Variants in HTT observed in about 807,000 individuals in gnomAD.
HTT encodes the protein huntington disease protein.
A neutral mutation model predicts 362.3 loss-of-function variants in HTT; 104 were observed. The observed-to-expected ratio is 0.29, with a 90% CI of 0.24 to 0.34. The LOEUF is 0.34. Among genes scored for constraint, HTT ranks in the 10% least tolerant of loss-of-function variants. The pLI, the probability that HTT is intolerant of heterozygous loss-of-function variation, is 1.00. For missense variants in HTT, 3,301 were observed against 3,928.6 expected, an observed-to-expected ratio of 0.84 and a Z score of 4.27; for synonymous variants, 1,577 against 1,548.7, an observed-to-expected ratio of 1.02 and a Z score of -0.43.
intron 29 of HTT, among the ~76,000 whole-genome samples, chr4:3,168,861 A>G (rs1202279404): frequency 6.6e-6 from 1 of 152,058 alleles, no homozygotes; most frequent in East Asian, 1.9e-4. Flanking sequence ...TGGGTGACAG[A>G]CTTTATACTG....
intron 2 of HTT, among the ~76,000 whole-genome samples, chr4:3,098,401 C>T (rs1713973621): frequency 6.6e-6 from 1 of 152,186 alleles, no homozygotes; most frequent in African/African-American, 2.4e-5. Flanking sequence ...AGATTGGGAT[C>T]ATGAAAGAGC....
chr4:3,178,285 T>G lies in HTT; in HGVS notation c.4464-13T>G, dbSNP rs1169452216. ...TTTAAAAGAAAGGTCTAAATGGATG[T>G]TTTTGTTTTTAGGGAATCAGAGGCA... On this transcript the variant is annotated splice_polypyrimidine_tract_variant and intron_variant, in intron 34 of 66. Transcript: ENST00000355072. The G allele has an allele frequency of 6.3e-7, 1 of 1,583,060 alleles. No homozygotes were observed. The highest frequency in any genetic ancestry group is 8.7e-7 in the Non-Finnish European group (1 of 1,154,076).
intron 40 of HTT, among the ~76,000 whole-genome samples, chr4:3,190,855 G>A (rs564306787): frequency 2.1e-4 from 32 of 152,314 alleles, no homozygotes; most frequent in African/African-American, 7.7e-4. Flanking sequence ...TGACTAAATA[G>A]CTAGAAGCCT....
rs1713430203 is a variant in HTT, at chr4:3,090,294, C to T, written c.347+3272C>T. ...TTACTGGTTCCTAAGTATGGATGAG[C>T]ATCAAAATCATCTGGAAAATTTGTT... On this transcript the variant is annotated intron_variant, in intron 2 of 66. Coordinates refer to ENST00000355072, the MANE Select transcript of HTT (RefSeq NM_001388492.1). Among the ~76,000 whole-genome samples the T allele has an allele frequency of 3.9e-5, 6 of 152,176 alleles. No individual in the cohort carries two copies. The South Asian group carries it at 1.2e-3, about 32-fold the overall frequency.
intron 52 of HTT, among the ~76,000 whole-genome samples, chr4:3,219,437 A>G (rs1198872482): frequency 6.6e-6 from 1 of 152,188 alleles, no homozygotes; most frequent in East Asian, 1.9e-4. Flanking sequence ...TCTGGAAGGC[A>G]GCTGTAACAG....
Position 3,132,810 on chromosome 4 carries a change from T to A in HTT, c.2396-4T>A. On this transcript the variant is annotated splice_polypyrimidine_tract_variant and splice_region_variant and intron_variant, in intron 17 of 66. Coordinates refer to ENST00000355072, the MANE Select transcript of HTT (RefSeq NM_001388492.1). ...TGATGTTTGTTGCTTGTTCTTCTGGTTAGGAAATACATTTTCTTTGGCGGA... is the reference window on the plus strand; with the variant it reads ...TGATGTTTGTTGCTTGTTCTTCTGGATAGGAAATACATTTTCTTTGGCGGA... The A allele has an allele frequency of 6.2e-7, 1 of 1,613,730 alleles. No individual in the cohort carries two copies. The highest frequency in any genetic ancestry group is 8.5e-7 in the Non-Finnish European group (1 of 1,179,556).
At chr4:3,103,936 G>T in intron 4 of HTT, 53 bp downstream of exon 4, 1 of 1,069,458 alleles carries the variant, frequency 9.4e-7, no homozygotes, top group Non-Finnish European at 1.4e-6. Context: ...ATTTTTATAG[G>T]TACACGTATT....
At chr4:3,143,890 A>G (rs1001611454) in intron 23 of HTT, among the ~76,000 whole-genome samples, 1 of 152,176 alleles carries the variant, frequency 6.6e-6, no homozygotes, top group African/African-American at 2.4e-5. Context: ...GGTGTGAGCC[A>G]CCATGCCTGG....
intron 27 of HTT, among the ~76,000 whole-genome samples, chr4:3,155,220 T>A (rs1560572179): frequency 1.3e-5 from 2 of 151,800 alleles, no homozygotes; most frequent in South Asian, 2.1e-4. Context: ...TATTTATTTA[T>A]TTTATTTATT....
In HTT at chr4:3,174,755, T is replaced by C; in HGVS notation, c.4201T>C (p.Leu1401=). 1 of 1,614,110 alleles carries C rather than the reference T, an allele frequency of 6.2e-7. No individual in the cohort carries two copies. The highest frequency in any genetic ancestry group is 8.5e-7 in the Non-Finnish European group (1 of 1,179,974). The part of the protein sequence containing the change: ...FDVLQKVSTQ[L]KTNLTSVTKN... ...TGTCCTCCAGAAAGTGTCTACCCAGTTGAAGACAAACCTCACGAGTGTCAC... is the reference window on the plus strand; with the variant it reads ...TGTCCTCCAGAAAGTGTCTACCCAGCTGAAGACAAACCTCACGAGTGTCAC... The change falls in exon 32 of 67, where the codon TTG becomes CTG. Residue 1401 remains leucine, a synonymous_variant. Coordinates refer to ENST00000355072, the MANE Select transcript of HTT (RefSeq NM_001388492.1).
chr4:3,212,150 A>T lies in HTT; in HGVS notation c.6628+8A>T, dbSNP rs756992147. The T allele has an allele frequency of 1.3e-6, 2 of 1,596,196 alleles. No individual in the cohort carries two copies. On this transcript the variant is annotated splice_region_variant and intron_variant, in intron 48 of 66. Coordinates refer to ENST00000355072, the MANE Select transcript of HTT (RefSeq NM_001388492.1). ...AGTTGAATGATCTGTTTGGTAATTA[A>T]AATTAAAATTTATCTTATTTTTAAA... is the stretch of plus-strand genomic sequence containing the variant.
chr4:3,092,942 C>A (rs916762577), intron 2 of HTT, among the ~76,000 whole-genome samples: 1 of 152,130 alleles, frequency 6.6e-6, no homozygotes, highest in Non-Finnish European at 1.5e-5. Flanking sequence ...ACTGCCTGGT[C>A]ATGGCAAGAG....
At chr4:3,121,506 C>A in intron 9 of HTT, 74 bp downstream of exon 9, 1 of 973,364 alleles carries the variant, frequency 1.0e-6, no homozygotes, top group Non-Finnish European at 1.6e-6. Flanking sequence ...GATTATGGGC[C>A]TGCCCTGTGC....
At chr4:3,127,745 C>T (rs951005208) in intron 12 of HTT, 141 bp downstream of exon 12, 11 of 644,178 alleles carry the variant, frequency 1.7e-5, no homozygotes, top group Admixed American at 1.2e-4. Context: ...AGGCGGATCA[C>T]TTGAGGTCAG....
chr4:3,205,267 T>C (rs996633272), intron 42 of HTT, among the ~76,000 whole-genome samples: 3 of 152,122 alleles, frequency 2.0e-5, no homozygotes, highest in Admixed American at 6.6e-5. Flanking sequence ...TAAAAATATT[T>C]AAAACATATG....
At chr4:3,130,928 T>C (rs1181987576) in intron 14 of HTT, among the ~76,000 whole-genome samples, 1 of 152,148 alleles carries the variant, frequency 6.6e-6, no homozygotes, top group Non-Finnish European at 1.5e-5. Flanking sequence ...CCCCAGGCTG[T>C]TGCCTTTCCC....
intron 21 of HTT, among the ~76,000 whole-genome samples, chr4:3,138,189 GCC>G (rs1560564819): frequency 7.0e-5 from 10 of 142,334 alleles, no homozygotes; most frequent in African/African-American, 2.4e-4. Flanking sequence ...CCGCCTGCCT[GCC>G]TGCCTGCCTT....
intron 8 of HTT, among the ~76,000 whole-genome samples, chr4:3,118,458 C>T (rs551571154): frequency 9.9e-4 from 150 of 152,198 alleles, no homozygotes; most frequent in Non-Finnish European, 1.7e-3. Context: ...GAATCTGACC[C>T]GGCACAGAGT....
intron 50 of HTT, among the ~76,000 whole-genome samples, chr4:3,214,653 C>T (rs1720312630): frequency 1.3e-5 from 2 of 152,054 alleles, no homozygotes; most frequent in Non-Finnish European, 2.9e-5. Flanking sequence ...TGTTAGAGGG[C>T]GTTTTGAAGC....
Sources: allele counts gnomAD v4.1 joint callset (sites outside exome capture counted in the v4.1 genomes callset), GRCh38; gene constraint gnomAD v4.1.1; transcripts MANE v1.5; gene names NCBI Gene and HGNC (gene_info 2026-07-23, HGNC 2026-07-21).